Variants in CFAP46 observed in about 807,000 individuals in gnomAD.
CFAP46 encodes the protein cilia- and flagella-associated protein 46.
CFAP46 carries 245 observed loss-of-function variants against 325.7 expected under a neutral mutation model. That is an observed-to-expected ratio of 0.75 (90% confidence interval 0.68 to 0.84). The LOEUF (loss-of-function observed/expected upper bound fraction) is 0.84, where lower values mean the gene tolerates loss of function less well. Among genes scored for constraint, CFAP46 ranks in the 40% least tolerant of loss-of-function variants. The pLI is 0.00. For synonymous variants in CFAP46, 1,523 were observed against 1,495.9 expected, an observed-to-expected ratio of 1.02 and a Z score of -0.42; for missense variants, 3,346 against 3,543.0, an observed-to-expected ratio of 0.94 and a Z score of 1.41.
intron 7 of CFAP46, 76 bp downstream of exon 7, chr10:132,936,885 C>A (rs1850016317): frequency 1.2e-6 from 1 of 820,368 alleles, no homozygotes; most frequent in Non-Finnish European, 1.8e-6. Flanking sequence ...GACCTCCCCC[C>A]ATGGAGGGGA....
chr10:132,935,584 C>T (rs1849985719), intron 7 of CFAP46, among the ~76,000 whole-genome samples: 4 of 139,016 alleles, frequency 2.9e-5, no homozygotes, highest in Admixed American at 7.1e-5. Context: ...CCCCTCAGCA[C>T]CCAAACCCAC....
intron 50 of CFAP46, among the ~76,000 whole-genome samples, chr10:132,831,893 GT>G (rs951236353): frequency 6.6e-6 from 1 of 151,874 alleles, no homozygotes; most frequent in African/African-American, 2.4e-5. Flanking sequence ...ACTCTGTGGG[GT>G]TTTTTGTTTG....
At chr10:132,924,575 A>AG (rs1307128956) in intron 11 of CFAP46, 121 bp downstream of exon 11, 2 of 986,942 alleles carry the variant, frequency 2.0e-6, no homozygotes, top group Non-Finnish European at 2.8e-6. Flanking sequence ...TATTGAGTAC[A>AG]GGGGGAGTCT....
At chr10:132,863,767 G>T in intron 35 of CFAP46, among the ~76,000 whole-genome samples, 1 of 133,284 alleles carries the variant, frequency 7.5e-6, no homozygotes, top group Non-Finnish European at 1.6e-5. Flanking sequence ...TGTTCTCAGT[G>T]CCTGAGACCT....
rs41302993 is a variant in CFAP46, at chr10:132,922,515, G to A, written c.1450C>T (p.Arg484Cys). The A allele has an allele frequency of 1.5e-5, 23 of 1,545,438 alleles. No individual in the cohort carries two copies. The highest frequency in any genetic ancestry group is 1.4e-4 in the Admixed American group (7 of 50,950). Reference protein sequence around the residue: ...LCTTLYQAPERAEDKAIMAVE... With the variant: ...LCTTLYQAPECAEDKAIMAVE... The stretch of plus-strand genomic sequence containing the variant: ...GCCATGATGGCCTTGTCCTCTGCGC[G>A]CTCAGGGGCCTGGTATAGCGTGGTG... Residue 484 changes from arginine (R) to cysteine (C), a missense_variant, in exon 12 of 58, where the codon CGC becomes TGC. By Grantham distance (180) the Arg-to-Cys change is radical. Coordinates refer to ENST00000368586, the MANE Select transcript of CFAP46 (RefSeq NM_001200049.3).
chr10:132,852,406 G>C, intron 39 of CFAP46, among the ~76,000 whole-genome samples: 2 of 123,162 alleles, frequency 1.6e-5, no homozygotes, highest in East Asian at 2.5e-4. Flanking sequence ...ATCCACAGAC[G>C]TGGTATGTTC....
intron 39 of CFAP46, among the ~76,000 whole-genome samples, chr10:132,851,722 C>G (rs977269465): frequency 6.6e-6 from 1 of 152,250 alleles, no homozygotes; most frequent in Non-Finnish European, 1.5e-5. Context: ...GTCGGTGCAC[C>G]GTGTGCACGC....
At chr10:132,932,795 A>G (rs1159405220) in intron 8 of CFAP46, among the ~76,000 whole-genome samples, 6 of 152,272 alleles carry the variant, frequency 3.9e-5, no homozygotes, top group Non-Finnish European at 8.8e-5. Flanking sequence ...ACTTCAAGAA[A>G]GAGCACAGCG....
chr10:132,827,335 C>T lies in CFAP46; in HGVS notation c.7117+6023G>A, dbSNP rs1164843332. Among the ~76,000 whole-genome samples the T allele has an allele frequency of 3.3e-5, 5 of 152,106 alleles. No homozygotes were observed. Among genetic ancestry groups the T allele is most frequent in the Non-Finnish European group, 7.4e-5 (5 of 68,020 alleles). ...GGAGAACAGCTATAAGCTGCCACGC[C>T]GACTGCTGTGGGAGCTCCTGGGCCT... is the stretch of plus-strand genomic sequence containing the variant. On this transcript the variant is annotated intron_variant, in intron 50 of 57. Transcript: ENST00000368586. The surrounding 1 kb of genome is among the most constrained non-coding windows in gnomAD (Gnocchi z 5.7).
At position 132,877,481 on chromosome 10, in the gene CFAP46, C is replaced by T. The variant is rs1848972682; in HGVS notation, c.4212+400G>A. On this transcript the variant is annotated intron_variant, in intron 30 of 57. Transcript: ENST00000368586. The surrounding 1 kb of genome is among the most constrained non-coding windows in gnomAD (Gnocchi z 5.7). Reference sequence around the variant, plus strand: ...TTTTCTCACTGCTCTGGGACCCAGGCCCTGGGCTGTGTCTGCTGCCATGGC... The same window carrying T: ...TTTTCTCACTGCTCTGGGACCCAGGTCCTGGGCTGTGTCTGCTGCCATGGC... Among the ~76,000 whole-genome samples, 1 of 152,226 alleles carries T rather than the reference C, an allele frequency of 6.6e-6. No individual in the cohort carries two copies.
At position 132,909,186 on chromosome 10, in the gene CFAP46, G is replaced by T. The variant is rs1274772210; in HGVS notation, c.2708C>A (p.Ser903Ter). 1.3e-6 allele frequency: 2 copies of T among 1,550,304 alleles called. No individual in the cohort carries two copies. The highest frequency in any genetic ancestry group is 1.7e-6 in the Non-Finnish European group (2 of 1,146,946). ...TRVLVALEMY[S>*]CNGLGLMDFT... ...GTCCATGAGGCCCAGCCCGTTGCAT[G>T]AGTACATTTCCAAGGCAACGAGGAC... is the stretch of plus-strand genomic sequence containing the variant. The change falls in exon 21 of 58, where the codon TCA (serine) becomes TAA (stop). Residue 903 changes from serine to a stop codon, truncating the protein, a stop_gained. Transcript: ENST00000368586. LOFTEE classifies it high-confidence loss of function.
rs368328147 is a variant in CFAP46, at chr10:132,857,629, C to G, written c.5535G>C (p.Gly1845=). 6.2e-7 allele frequency: 1 copy of G among 1,613,174 alleles called. No homozygotes were observed. The highest frequency in any genetic ancestry group is 1.7e-5 in the Admixed American group (1 of 59,954). ...LAQGAMAEEE[G]RLHSVQGLLS... ...ATAGGCCCTGGACGCTGTGAAGCCT[C>G]CCTTCTTCCTCAGCCATGGCGCCCT... Residue 1845 remains glycine, a synonymous_variant, in exon 39 of 58, where the codon GGG becomes GGC. Coordinates refer to ENST00000368586, the MANE Select transcript of CFAP46 (RefSeq NM_001200049.3).
intron 41 of CFAP46, among the ~76,000 whole-genome samples, chr10:132,849,140 G>GC (rs1171315276): frequency 4.6e-5 from 7 of 152,214 alleles, no homozygotes; most frequent in African/African-American, 1.7e-4. Flanking sequence ...CTCTGCCCTG[G>GC]CCCCTCCTCG....
rs369460368 is a variant in CFAP46, at chr10:132,847,372, G to A, written c.5953-51C>T. ...GACACTTCTGGGTTCCTGCTTGGTC[G>A]GCGTGGGGAGGGCCCACCCAGGGAG... On this transcript the variant is annotated intron_variant, in intron 41 of 57. Transcript: ENST00000368586. The surrounding 1 kb of genome is among the most constrained non-coding windows in gnomAD (Gnocchi z 5.2). The A allele has an allele frequency of 1.4e-5, 23 of 1,601,356 alleles. No individual in the cohort carries two copies. The highest frequency in any genetic ancestry group is 2.7e-5 in the African/African-American group (2 of 74,696).
At chr10:132,925,538 C>T (rs748402978) in intron 10 of CFAP46, among the ~76,000 whole-genome samples, 35 of 152,384 alleles carry the variant, frequency 2.3e-4, no homozygotes, top group African/African-American at 7.5e-4. Context: ...CAACCCACAG[C>T]GCCACAGCCA....
In CFAP46 at chr10:132,929,765, G is replaced by T. The variant is rs752890409; in HGVS notation, c.906C>A (p.Thr302=). The part of the protein sequence containing the change: ...LLFELARFSL[T]LKCMEISSAC... ...CAGAGGAGATCTCCATGCATTTCAA[G>T]GTCAAGGAAAAACGCGCCAATTCAA... The change falls in exon 9 of 58, where the codon ACC becomes ACA. Residue 302 remains threonine, a synonymous_variant. Coordinates refer to ENST00000368586, the MANE Select transcript of CFAP46 (RefSeq NM_001200049.3). The T allele has an allele frequency of 6.8e-5, 109 of 1,611,514 alleles. No homozygotes were observed. The highest frequency in any genetic ancestry group is 8.9e-5 in the Non-Finnish European group (105 of 1,178,234).
chr10:132,809,627 C>T (rs900291825), intron 57 of CFAP46, among the ~76,000 whole-genome samples: 3 of 152,168 alleles, frequency 2.0e-5, no homozygotes, highest in Non-Finnish European at 2.9e-5. Flanking sequence ...CCACCCCCTC[C>T]GTGCACCGCT....
chr10:132,847,304 G>A lies in CFAP46; in HGVS notation c.5970C>T (p.Ser1990=), dbSNP rs139471186. The A allele has an allele frequency of 1.5e-5, 25 of 1,613,480 alleles. No homozygotes were observed. The highest frequency in any genetic ancestry group is 5.0e-5 in the Admixed American group (3 of 60,008). Residue 1990 remains serine (S), a synonymous_variant, in exon 42 of 58, where the codon AGC becomes AGT. Coordinates refer to ENST00000368586, the MANE Select transcript of CFAP46 (RefSeq NM_001200049.3). This position sits in a 1 kb window ranked among gnomAD's most constrained non-coding sequence, Gnocchi z 5.2. ...CCTCCAGCTCCAGAGACTTGAGGCCGCTCAGCTTGGCGCCCACCTGTGACA... is the reference window on the plus strand; with the variant it reads ...CCTCCAGCTCCAGAGACTTGAGGCCACTCAGCTTGGCGCCCACCTGTGACA... ...EAGPSVGAKL[S]GLKSLELEVE... is the part of the protein sequence containing the mutation.
intron 57 of CFAP46, among the ~76,000 whole-genome samples, chr10:132,809,774 C>T (rs921769961): frequency 1.3e-5 from 2 of 152,166 alleles, no homozygotes; most frequent in East Asian, 1.9e-4. Flanking sequence ...GGTGGGGTTC[C>T]GTCTGTCCGT....
Sources: allele counts gnomAD v4.1 joint callset (sites outside exome capture counted in the v4.1 genomes callset), GRCh38; gene constraint gnomAD v4.1.1; non-coding constraint Gnocchi (gnomAD v3.1); transcripts MANE v1.5; gene names NCBI Gene and HGNC (gene_info 2026-07-23, HGNC 2026-07-21).